Variants in PLCB1 observed in about 807,000 individuals in gnomAD.
PLCB1 encodes the protein phospholipase C beta 1, also known as 1-phosphatidylinositol 4,5-bisphosphate phosphodiesterase beta-1.
A neutral mutation model predicts 161.8 loss-of-function variants in PLCB1; 46 were observed. That is an observed-to-expected ratio of 0.28 (90% CI 0.22 to 0.36). The LOEUF is 0.36. PLCB1 is among the 10% of genes least tolerant of loss of function. The pLI is 1.00. For missense variants in PLCB1, 1,016 were observed against 1,472.5 expected, an observed-to-expected ratio of 0.69 and a Z score of 5.07; for synonymous variants, 517 against 503.7, an observed-to-expected ratio of 1.03 and a Z score of -0.35.
intron 2 of PLCB1, among the ~76,000 whole-genome samples, chr20:8,193,192 A>G (rs897764318): frequency 1.3e-5 from 2 of 151,998 alleles, no homozygotes; most frequent in Non-Finnish European, 1.5e-5. Context: ...AAATCATTAC[A>G]CTACCTATAG....
At chr20:8,819,049 G>A (rs967316646) in intron 31 of PLCB1, among the ~76,000 whole-genome samples, 1 of 151,998 alleles carries the variant, frequency 6.6e-6, no homozygotes, top group Admixed American at 6.6e-5. Flanking sequence ...AAATTTTTAT[G>A]GTAAAGCAAT....
chr20:8,781,374 C>T (rs1983214617), intron 27 of PLCB1, among the ~76,000 whole-genome samples: 1 of 149,820 alleles, frequency 6.7e-6, no homozygotes, highest in South Asian at 2.1e-4. Context: ...CTGATTATTA[C>T]CCCAGTGGGA....
intron 3 of PLCB1, among the ~76,000 whole-genome samples, chr20:8,385,615 T>C (rs760011455): frequency 4.6e-5 from 7 of 152,220 alleles, no homozygotes; most frequent in Non-Finnish European, 8.8e-5. Flanking sequence ...TCTGCACAGC[T>C]CTGGGGTTGG....
chr20:8,385,621 G>T (rs184387274), intron 3 of PLCB1, among the ~76,000 whole-genome samples: 36 of 152,376 alleles, frequency 2.4e-4, no homozygotes, highest in African/African-American at 7.7e-4. Context: ...CAGCTCTGGG[G>T]TTGGGACCCT....
intron 2 of PLCB1, among the ~76,000 whole-genome samples, chr20:8,291,541 C>G (rs1200347296): frequency 6.6e-6 from 1 of 152,188 alleles, no homozygotes; most frequent in Non-Finnish European, 1.5e-5. Flanking sequence ...ATAGACACTA[C>G]AGACAACGAG....
At chr20:8,154,214 T>C (rs1209662847) in intron 2 of PLCB1, among the ~76,000 whole-genome samples, 1 of 152,218 alleles carries the variant, frequency 6.6e-6, no homozygotes, top group Non-Finnish European at 1.5e-5. Context: ...AGTTAGTACA[T>C]GTGTGTCTAT....
intron 2 of PLCB1, among the ~76,000 whole-genome samples, chr20:8,354,080 G>A (rs992609591): frequency 2.0e-5 from 3 of 151,372 alleles, no homozygotes; most frequent in African/African-American, 7.3e-5. Context: ...TGGAAGTGAA[G>A]GTTAGAGAAT....
intron 25 of PLCB1, among the ~76,000 whole-genome samples, chr20:8,764,271 C>T (rs1249070212): frequency 1.3e-5 from 2 of 152,158 alleles, no homozygotes; most frequent in African/African-American, 4.8e-5. Flanking sequence ...TCCCTCAAGA[C>T]ACTTTACTGC....
chr20:8,662,635 A>G (rs868197801), intron 9 of PLCB1, among the ~76,000 whole-genome samples: 14 of 148,260 alleles, frequency 9.4e-5, no homozygotes, highest in Middle Eastern at 3.3e-3. Flanking sequence ...ATATATAAAT[A>G]TTACTTCTTG....
At chr20:8,189,331 A>G (rs1221540683) in intron 2 of PLCB1, among the ~76,000 whole-genome samples, 1 of 143,522 alleles carries the variant, frequency 7.0e-6, no homozygotes, top group African/African-American at 2.6e-5. Flanking sequence ...TTTAATATAT[A>G]TATATATATA....
At chr20:8,654,343 T>C (rs1390526552) in intron 7 of PLCB1, among the ~76,000 whole-genome samples, 1 of 152,180 alleles carries the variant, frequency 6.6e-6, no homozygotes, top group South Asian at 2.1e-4. Context: ...AAGTCATCAC[T>C]GACAGTGCGT....
intron 31 of PLCB1, among the ~76,000 whole-genome samples, chr20:8,872,485 T>C (rs568708515): frequency 1.3e-5 from 2 of 152,322 alleles, no homozygotes; most frequent in Non-Finnish European, 2.9e-5. Flanking sequence ...AATTTTGAAC[T>C]TGAGTTCATG....
intron 3 of PLCB1, among the ~76,000 whole-genome samples, chr20:8,590,389 TA>T (rs1404516076): frequency 6.6e-6 from 1 of 152,204 alleles, no homozygotes. Context: ...TAATTATTTA[TA>T]CAATAAATTT....
intron 10 of PLCB1, among the ~76,000 whole-genome samples, chr20:8,685,601 G>T (rs910190128): frequency 6.6e-6 from 1 of 151,020 alleles, no homozygotes; most frequent in African/African-American, 2.4e-5. Context: ...GCCAGGCGTG[G>T]TGGTGCGTGC....
chr20:8,455,911 C>T lies in PLCB1; in HGVS notation c.246+84461C>T, dbSNP rs111298355. On this transcript the variant is annotated intron_variant, in intron 3 of 31. Coordinates refer to ENST00000338037, the MANE Select transcript of PLCB1 (RefSeq NM_015192.4). ...ATTAATTCCCATCTGTGTTCAAGGA[C>T]GGTAATCAGGCAGGGGCAGTAATCA... Among the ~76,000 whole-genome samples, 585 of 152,184 alleles carry T rather than the reference C, an allele frequency of 3.8e-3. 1 individual carries two copies. Among genetic ancestry groups the T allele is most frequent in the Non-Finnish European group, 6.8e-3 (461 of 68,016 alleles).
chr20:8,822,131 G>T lies in PLCB1; in HGVS notation c.3423+31870G>T, dbSNP rs80157795. On this transcript the variant is annotated intron_variant, in intron 31 of 31. Coordinates refer to ENST00000338037, the MANE Select transcript of PLCB1 (RefSeq NM_015192.4). ...CTTGTTTCGTCCCCACACAGGGGCC[G>T]CGTCTCTGTTATTTCTCCAAGCACC... Among the ~76,000 whole-genome samples, 1,277 of 151,828 alleles carry T rather than the reference G, an allele frequency of 8.4e-3. 26 individuals are homozygous for T. Among genetic ancestry groups the T allele is most frequent in the African/African-American group, 0.028 (1,167 of 41,364 alleles).
chr20:8,827,478 G>A (rs560290984), intron 31 of PLCB1, among the ~76,000 whole-genome samples: 30 of 152,310 alleles, frequency 2.0e-4, no homozygotes, highest in Middle Eastern at 3.4e-3. Flanking sequence ...AAATTATGGA[G>A]CTGTACTGTC....
At chr20:8,325,075 C>T (rs369500992) in intron 2 of PLCB1, among the ~76,000 whole-genome samples, 18 of 152,294 alleles carry the variant, frequency 1.2e-4, no homozygotes, top group African/African-American at 3.8e-4. Flanking sequence ...AATCATGCCC[C>T]TACTATTCGC....
rs187192857 is a variant in PLCB1 at position 8,882,231 on chromosome 20, T to C, written c.*382T>C. On this transcript the variant is annotated 3_prime_UTR_variant, in exon 32 of 32. Coordinates refer to ENST00000338037, the MANE Select transcript of PLCB1 (RefSeq NM_015192.4). ...AAATATTTCAAAGTCATAGAAATAG[T>C]TTGAGAAATGCATAGCATTATTTAA... 8 of 204,782 alleles carry C rather than the reference T, an allele frequency of 3.9e-5. No homozygotes were observed. Among genetic ancestry groups the C allele is most frequent in the African/African-American group, 1.6e-4 (7 of 43,152 alleles). 12.7% of individuals were successfully genotyped at this position (204,782 alleles called of 1,614,324 possible).
Sources: gnomAD v4.1 joint callset for allele counts (sites outside exome capture counted in the v4.1 genomes callset) on GRCh38, gnomAD v4.1.1 for gene constraint, MANE v1.5 for transcripts, NCBI Gene and HGNC (gene_info 2026-07-23, HGNC 2026-07-21) for gene names.